ELOVL6: variants seen among roughly 807,000 people sequenced by gnomAD.
ELOVL6 encodes the protein ELOVL fatty acid elongase 6.
In ELOVL6, 8 loss-of-function variants were observed where a neutral mutation model predicts 31.7. That is an observed-to-expected ratio of 0.25 (90% CI 0.15 to 0.45). The LOEUF (loss-of-function observed/expected upper bound fraction) is 0.45. Among genes scored for constraint, ELOVL6 ranks in the 20% least tolerant of loss-of-function variants. ELOVL6 has a pLI of 1.00. For synonymous variants in ELOVL6, 101 were observed against 117.7 expected (o/e 0.86, Z 0.92); for missense variants, 126 against 326.4 (o/e 0.39, Z 4.73).
intron 1 of ELOVL6, among the ~76,000 whole-genome samples, chr4:110,162,568 T>C (rs1206085357): frequency 1.4e-5 from 1 of 73,974 alleles, no homozygotes. Context: ...AGTCTCCAAC[T>C]CCTAGGCTCA....
At chr4:110,084,472 C>T (rs1578468248) in intron 2 of ELOVL6, among the ~76,000 whole-genome samples, 16 of 27,646 alleles carry the variant, frequency 5.8e-4, no homozygotes, top group East Asian at 1.0e-3. Flanking sequence ...TGATATATAA[C>T]AATATACACT....
chr4:110,053,836 G>A (rs953876015), intron 3 of ELOVL6, among the ~76,000 whole-genome samples: 1 of 152,292 alleles, frequency 6.6e-6, no homozygotes, highest in Non-Finnish European at 1.5e-5. Flanking sequence ...CTACTCTGGA[G>A]GCTGAGGCAG....
chr4:110,101,994 A>G (rs1015502095), intron 2 of ELOVL6, among the ~76,000 whole-genome samples: 1 of 152,208 alleles, frequency 6.6e-6, no homozygotes, highest in Non-Finnish European at 1.5e-5. Context: ...TAGTATCTCT[A>G]TAAATATTTT....
At chr4:110,196,534 G>A (rs1759794123) in intron 1 of ELOVL6, among the ~76,000 whole-genome samples, 1 of 152,202 alleles carries the variant, frequency 6.6e-6, no homozygotes, top group Non-Finnish European at 1.5e-5. Flanking sequence ...AAACGCCGAG[G>A]TCTATCTGCG....
intron 1 of ELOVL6, among the ~76,000 whole-genome samples, chr4:110,194,724 G>A (rs1759722159): frequency 6.6e-6 from 1 of 152,164 alleles, no homozygotes; most frequent in Admixed American, 6.5e-5. Context: ...TGGTTAGTAA[G>A]TATGGATTAT....
chr4:110,166,791 C>A (rs1437145391), intron 1 of ELOVL6, among the ~76,000 whole-genome samples: 12 of 152,126 alleles, frequency 7.9e-5, no homozygotes, highest in Admixed American at 7.9e-4. Flanking sequence ...CAACTATTAG[C>A]TCTCAAAGTC....
At chr4:110,153,298 T>C (rs1044707054) in intron 1 of ELOVL6, among the ~76,000 whole-genome samples, 13 of 152,280 alleles carry the variant, frequency 8.5e-5, no homozygotes, top group African/African-American at 3.1e-4. Flanking sequence ...CCATAACTTA[T>C]GAGACCTTAT....
chr4:110,198,090 C>T, intron 1 of ELOVL6, 157 bp downstream of exon 1: 2 of 419,290 alleles, frequency 4.8e-6, no homozygotes, highest in Admixed American at 3.0e-5. Context: ...CCCCCCCCAG[C>T]GTCTCCTGCA....
At chr4:110,158,657 A>ATATATATATATATATATATATATATTTTT in intron 1 of ELOVL6, among the ~76,000 whole-genome samples, 1 of 74,160 alleles carries the variant, frequency 1.3e-5, no homozygotes, top group East Asian at 3.1e-4. Context: ...ATATATATAT[A>ATATATATATATATATATATATATATTTTT]TTTTTTTTTT....
intron 1 of ELOVL6, among the ~76,000 whole-genome samples, chr4:110,149,120 C>T (rs984901365): frequency 6.6e-6 from 1 of 152,150 alleles, no homozygotes; most frequent in Non-Finnish European, 1.5e-5. Flanking sequence ...TCTTGGCTTC[C>T]GAAAGTGCTG....
At chr4:110,128,595 C>T (rs1757579503) in intron 1 of ELOVL6, among the ~76,000 whole-genome samples, 1 of 152,150 alleles carries the variant, frequency 6.6e-6, no homozygotes, top group African/African-American at 2.4e-5. Flanking sequence ...CCAACTGGAG[C>T]ATCATTTCAG....
chr4:110,195,539 T>A (rs1019224695), intron 1 of ELOVL6, among the ~76,000 whole-genome samples: 2 of 150,968 alleles, frequency 1.3e-5, no homozygotes, highest in Admixed American at 1.3e-4. Context: ...ATCTGGCATT[T>A]AAAAAAAAAC....
chr4:110,133,094 A>C (rs1216515815), intron 1 of ELOVL6, among the ~76,000 whole-genome samples: 1 of 152,176 alleles, frequency 6.6e-6, no homozygotes, highest in Admixed American at 6.5e-5. Flanking sequence ...CATCACTTAC[A>C]GAGAAGGTGG....
Position 110,132,555 on chromosome 4 carries a change from G to A in ELOVL6, c.90-26927C>T, listed in dbSNP as rs149990023. ...AAGTGGCCTTTTAGAGGCTAGGTGC[G>A]TTGGCTCATGCCTGTAAACCCAGCA... On this transcript the variant is annotated intron_variant, in intron 1 of 3. Transcript: ENST00000302274. Among the ~76,000 whole-genome samples, 754 of 152,068 alleles carry A rather than the reference G, an allele frequency of 5.0e-3. 1 individual carries two copies. Among genetic ancestry groups the A allele is most frequent in the Non-Finnish European group, 8.0e-3 (543 of 67,970 alleles).
rs923375439 is a variant in ELOVL6, at chr4:110,095,545, G to T, written c.221+9952C>A. Among the ~76,000 whole-genome samples the T allele has an allele frequency of 3.3e-5, 5 of 151,328 alleles. No individual in the cohort carries two copies. The South Asian group carries it at 1.0e-3, about 32-fold the overall frequency. On this transcript the variant is annotated intron_variant, in intron 2 of 3. Coordinates refer to ENST00000302274, the MANE Select transcript of ELOVL6 (RefSeq NM_024090.3). The stretch of plus-strand genomic sequence containing the variant: ...AAGGTGTGTCTGTTTTGCAGGAAAA[G>T]ATTCGATATACCATGTTGGCTTGGA...
rs943027581 is a variant in ELOVL6, at chr4:110,129,588, G to A, written c.90-23960C>T. On this transcript the variant is annotated intron_variant, in intron 1 of 3. Coordinates refer to ENST00000302274, the MANE Select transcript of ELOVL6 (RefSeq NM_024090.3). The stretch of plus-strand genomic sequence containing the variant: ...TTGCCAGGTGGGGCTTCTGGGAAAG[G>A]TTTTTAAAACATACAGACTTGTCTG... Among the ~76,000 whole-genome samples, 2 of 152,184 alleles carry A rather than the reference G, an allele frequency of 1.3e-5. 1 individual carries two copies. The highest frequency in any genetic ancestry group is 1.3e-4 in the Admixed American group (2 of 15,278).
At chr4:110,141,127 G>A (rs1039617094) in intron 1 of ELOVL6, among the ~76,000 whole-genome samples, 4 of 152,022 alleles carry the variant, frequency 2.6e-5, no homozygotes, top group Non-Finnish European at 4.4e-5. Context: ...GCAATGGCAC[G>A]ATCTCAGCTC....
intron 2 of ELOVL6, among the ~76,000 whole-genome samples, chr4:110,084,093 CATATATATGATATATATGATATATATA>C (rs1756031914): frequency 1.3e-5 from 1 of 75,882 alleles, no homozygotes; most frequent in Non-Finnish European, 2.5e-5. Context: ...TGATATATAA[CATATATATGATATATATGATATATATA>C]ACATATATGT....
chr4:110,173,670 AAATAAT>A (rs148753272), intron 1 of ELOVL6, among the ~76,000 whole-genome samples: 72,590 of 140,658 alleles, frequency 0.52, 19,796 homozygotes, highest in East Asian at 0.83. Context: ...AGGTAAAGGA[AAATAAT>A]AATAATAATA....
Sources: gnomAD v4.1 joint callset for allele counts (sites outside exome capture counted in the v4.1 genomes callset) on GRCh38, gnomAD v4.1.1 for gene constraint, MANE v1.5 for transcripts, NCBI Gene and HGNC (gene_info 2026-07-23, HGNC 2026-07-21) for gene names.